The following ATP6V1C1 variants were observed in gnomAD, a reference collection of about 807,000 sequenced individuals.
ATP6V1C1 encodes the protein ATPase H+ transporting V1 subunit C1.
ATP6V1C1 carries 45 observed loss-of-function variants against 53.9 expected under a neutral mutation model. The ratio of observed to expected loss-of-function variants is 0.83; its 90% CI spans 0.66 to 1.07. ATP6V1C1 has a LOEUF of 1.07. Among genes scored for constraint, ATP6V1C1 ranks in the 50% least tolerant of loss-of-function variants. ATP6V1C1 has a pLI of 0.00. For missense variants in ATP6V1C1, 315 were observed against 440.3 expected (o/e 0.72, Z 2.55); for synonymous variants, 153 against 155.2 (o/e 0.99, Z 0.11).
At chr8:103,046,129 G>A (rs889898890) in intron 3 of ATP6V1C1, among the ~76,000 whole-genome samples, 3 of 152,088 alleles carry the variant, frequency 2.0e-5, no homozygotes, top group South Asian at 4.1e-4. Flanking sequence ...TAGTCACCTT[G>A]ATGGCTTTAT....
chr8:103,063,649 C>G (rs1198866356), intron 10 of ATP6V1C1, among the ~76,000 whole-genome samples: 1 of 152,068 alleles, frequency 6.6e-6, no homozygotes, highest in African/African-American at 2.4e-5. Context: ...CAGATTTTTT[C>G]AATGCCTCAA....
chr8:103,051,325 TTATC>T (rs1374803515), intron 5 of ATP6V1C1, among the ~76,000 whole-genome samples, 181 bp downstream of exon 5: 2 of 152,164 alleles, frequency 1.3e-5, no homozygotes, highest in African/African-American at 4.8e-5. Context: ...AATGTGTAGA[TTATC>T]TAAGTTGAAT....
At chr8:103,067,328 G>C (rs1563611286) in intron 12 of ATP6V1C1, among the ~76,000 whole-genome samples, 1 of 150,810 alleles carries the variant, frequency 6.6e-6, no homozygotes, top group South Asian at 2.1e-4. Context: ...GAACCTCGGG[G>C]GGTGGTTGCA....
intron 5 of ATP6V1C1, among the ~76,000 whole-genome samples, chr8:103,052,003 T>C (rs1299625315): frequency 6.6e-6 from 1 of 152,130 alleles, no homozygotes; most frequent in Non-Finnish European, 1.5e-5. Context: ...TTGATGACTA[T>C]AGTTTAAGAA....
rs143311425 is a variant in ATP6V1C1 at position 103,025,838 on chromosome 8, A to G, written c.-40+4613A>G. ...GTTGTTACCAGTAAACAGAATCTCA[A>G]GCTTACTTAGGGTCATGAGTTGGAG... On this transcript the variant is annotated intron_variant, in intron 1 of 12. Coordinates refer to ENST00000518738, the MANE Select transcript of ATP6V1C1 (RefSeq NM_001695.5). Among the ~76,000 whole-genome samples the G allele has an allele frequency of 6.1e-3, 924 of 152,364 alleles. 10 individuals carry two copies. The highest frequency in any genetic ancestry group is 8.8e-3 in the Admixed American group (135 of 15,298).
intron 7 of ATP6V1C1, 29 bp from the exon 8 acceptor site, chr8:103,055,839 T>C (rs758464678): frequency 8.8e-6 from 14 of 1,597,104 alleles, no homozygotes; most frequent in Middle Eastern, 3.3e-4. Context: ...TGTTTTTCTT[T>C]TCCAATGTGT....
intron 1 of ATP6V1C1, among the ~76,000 whole-genome samples, chr8:103,031,027 C>G (rs1033658380): frequency 1.3e-5 from 2 of 152,150 alleles, no homozygotes; most frequent in African/African-American, 4.8e-5. Flanking sequence ...AGCTGATCCT[C>G]CCCTAACTTA....
chr8:103,067,705 G>T (rs1246753081), intron 12 of ATP6V1C1, among the ~76,000 whole-genome samples: 1 of 148,842 alleles, frequency 6.7e-6, no homozygotes, highest in African/African-American at 2.5e-5. Flanking sequence ...GGTTCAGGCA[G>T]TTCTCCTGCC....
At chr8:103,066,997 A>G (rs1284928721) in intron 12 of ATP6V1C1, among the ~76,000 whole-genome samples, 1 of 152,018 alleles carries the variant, frequency 6.6e-6, no homozygotes, top group Non-Finnish European at 1.5e-5. Context: ...AAAACAGACC[A>G]AAAAATGTAT....
intron 3 of ATP6V1C1, among the ~76,000 whole-genome samples, chr8:103,043,408 C>T (rs55635754): frequency 0.081 from 12,361 of 152,114 alleles, 680 homozygotes; most frequent in Non-Finnish European, 0.11. Context: ...CTGCAACCTC[C>T]ACCTCCTGGG....
Position 103,071,087 on chromosome 8 carries a change from G to A in ATP6V1C1, c.*2340G>A, listed in dbSNP as rs1817579244. The stretch of plus-strand genomic sequence containing the variant: ...TGTAGAGTCTGAGGGTTAGAAGGAA[G>A]TCATTGTGTCTAACATAACAACAGA... On this transcript the variant is annotated 3_prime_UTR_variant, in exon 13 of 13. Coordinates refer to ENST00000518738, the MANE Select transcript of ATP6V1C1 (RefSeq NM_001695.5). The A allele has an allele frequency of 6.6e-6, 1 of 152,210 alleles. No individual in the cohort carries two copies. The highest frequency in any genetic ancestry group is 1.5e-5 in the Non-Finnish European group (1 of 68,058). The allele number at this position is 152,210 out of a possible 1,614,324, so 9.4% of individuals were successfully genotyped here.
intron 1 of ATP6V1C1, among the ~76,000 whole-genome samples, chr8:103,034,745 A>G (rs1199179323): frequency 5.3e-5 from 8 of 151,434 alleles, no homozygotes; most frequent in South Asian, 2.1e-4. Context: ...ATTTTTTTGT[A>G]TTTTTAGTAA....
chr8:103,034,296 A>G (rs866749183), intron 1 of ATP6V1C1, among the ~76,000 whole-genome samples: 1 of 152,178 alleles, frequency 6.6e-6, no homozygotes, highest in African/African-American at 2.4e-5. Flanking sequence ...ATTTTGCTAC[A>G]TTTAGGCCTG....
At position 103,066,377 on chromosome 8, in the gene ATP6V1C1, T is replaced by A; in HGVS notation, c.983T>A (p.Leu328Ter). 6.2e-7 allele frequency: 1 copy of A among 1,613,464 alleles called. No individual in the cohort carries two copies. Among genetic ancestry groups the A allele is most frequent in the South Asian group, 1.1e-5 (1 of 90,930 alleles). The change falls in exon 12 of 13, where the codon TTG becomes TAG. Residue 328 changes from leucine (L) to a stop codon, truncating the protein, a stop_gained. Coordinates refer to ENST00000518738, the MANE Select transcript of ATP6V1C1 (RefSeq NM_001695.5). LOFTEE classifies it high-confidence loss of function. ...CTACTTCAGCCCAATAAGAAAACTT[T>A]GAAGAAACTGAGAGAAGTATTACAT... Reference protein sequence around the residue: ...AMLLQPNKKTLKKLREVLHEL... With the variant: ...AMLLQPNKKT
At chr8:103,028,092 A>G (rs1816729425) in intron 1 of ATP6V1C1, among the ~76,000 whole-genome samples, 1 of 152,226 alleles carries the variant, frequency 6.6e-6, no homozygotes, top group Non-Finnish European at 1.5e-5. Context: ...TGTTAATGAC[A>G]TGAGTGTAAG....
intron 3 of ATP6V1C1, 117 bp from the exon 4 acceptor site, chr8:103,048,753 G>A: frequency 1.3e-6 from 1 of 773,132 alleles, no homozygotes; most frequent in South Asian, 1.8e-5. Flanking sequence ...GTATTATATG[G>A]ATAGGTATAA....
intron 1 of ATP6V1C1, among the ~76,000 whole-genome samples, chr8:103,036,615 T>G (rs1262326451): frequency 1.3e-5 from 2 of 152,232 alleles, no homozygotes; most frequent in African/African-American, 4.8e-5. Context: ...CATTATTTCC[T>G]TTGATCCTAA....
At chr8:103,065,425 G>A (rs1054790376) in intron 11 of ATP6V1C1, among the ~76,000 whole-genome samples, 3 of 152,070 alleles carry the variant, frequency 2.0e-5, no homozygotes, top group Admixed American at 1.3e-4. Context: ...GTGGTGGCAC[G>A]CGCCTGTAGT....
chr8:103,024,963 T>G (rs536424588), intron 1 of ATP6V1C1, among the ~76,000 whole-genome samples: 1 of 152,154 alleles, frequency 6.6e-6, no homozygotes, highest in African/African-American at 2.4e-5. Flanking sequence ...AGTTAAAAAA[T>G]GAGCCAGGTA....
Sources: gnomAD v4.1 joint callset for allele counts (sites outside exome capture counted in the v4.1 genomes callset) on GRCh38, gnomAD v4.1.1 for gene constraint, MANE v1.5 for transcripts, NCBI Gene and HGNC (gene_info 2026-07-23, HGNC 2026-07-21) for gene names.